Variants in TCF4 observed in about 807,000 individuals in gnomAD.
TCF4 encodes SL3-3 enhancer factor 2.
In TCF4, 3 loss-of-function variants were observed where a neutral mutation model predicts 82.1. The observed-to-expected ratio is 0.04, with a 90% CI of 0.02 to 0.09. The LOEUF (loss-of-function observed/expected upper bound fraction) is 0.09, where lower values mean the gene tolerates loss of function less well. Among genes scored for constraint, TCF4 ranks in the 10% least tolerant of loss-of-function variants. TCF4 has a pLI of 1.00. For missense variants in TCF4, 518 were observed against 852.7 expected, an observed-to-expected ratio of 0.61 and a Z score of 4.89; for synonymous variants, 276 against 309.6, an observed-to-expected ratio of 0.89 and a Z score of 1.14.
At chr18:55,326,999 G>GAC (rs147081158) in intron 8 of TCF4, among the ~76,000 whole-genome samples, 1 of 151,922 alleles carries the variant, frequency 6.6e-6, no homozygotes, top group African/African-American at 2.4e-5. Context: ...CAGACAGACA[G>GAC]ACACACACAC....
At chr18:55,542,358 G>A (rs2097171668) in intron 3 of TCF4, among the ~76,000 whole-genome samples, 1 of 151,778 alleles carries the variant, frequency 6.6e-6, no homozygotes, top group African/African-American at 2.4e-5. Flanking sequence ...ATGGCAAGGG[G>A]GTTGGAGTAA....
At chr18:55,354,644 C>A (rs1450627949) in intron 6 of TCF4, among the ~76,000 whole-genome samples, 1 of 152,148 alleles carries the variant, frequency 6.6e-6, no homozygotes, top group East Asian at 1.9e-4. Flanking sequence ...ACTATTATTT[C>A]ATTTCAGTCA....
intron 8 of TCF4, among the ~76,000 whole-genome samples, chr18:55,334,418 A>G (rs766249772): frequency 7.9e-5 from 12 of 152,144 alleles, no homozygotes; most frequent in Non-Finnish European, 1.2e-4. Flanking sequence ...CATAGTTTCT[A>G]ATCAAAATCT....
At chr18:55,408,376 T>C (rs1470645701) in intron 5 of TCF4, among the ~76,000 whole-genome samples, 1 of 152,148 alleles carries the variant, frequency 6.6e-6, no homozygotes, top group African/African-American at 2.4e-5. Context: ...ATAAACATGT[T>C]TGACTCAGAA....
At chr18:55,530,562 G>GC (rs33938531) in intron 3 of TCF4, among the ~76,000 whole-genome samples, 6,087 of 24,500 alleles carry the variant, frequency 0.25, 179 homozygotes, top group Non-Finnish European at 0.3. Context: ...GCCCTGAAAA[G>GC]GGGGGGGGAA....
At chr18:55,300,113 C>CAT (rs997766721) in intron 8 of TCF4, among the ~76,000 whole-genome samples, 1 of 151,986 alleles carries the variant, frequency 6.6e-6, no homozygotes, top group African/African-American at 2.4e-5. Context: ...CACACACACA[C>CAT]ACACACACAC....
intron 5 of TCF4, among the ~76,000 whole-genome samples, chr18:55,456,694 G>GA (rs990971598): frequency 3.3e-5 from 5 of 151,820 alleles, no homozygotes; most frequent in South Asian, 2.1e-4. Context: ...CTTGACAAAG[G>GA]AAAAAAAAGT....
chr18:55,446,984 CAAAAAAAAAAAAAAAAGGAAAAAAA>C (rs1303083082), intron 5 of TCF4, among the ~76,000 whole-genome samples: 1 of 84,216 alleles, frequency 1.2e-5, no homozygotes, highest in Non-Finnish European at 2.3e-5. Context: ...GACTCTGTCT[CAAAAAAAAAAAAAAAAGGAAAAAAA>C]GAAAAAAAAA....
intron 3 of TCF4, among the ~76,000 whole-genome samples, chr18:55,498,398 G>C (rs919429970): frequency 2.6e-5 from 4 of 152,154 alleles, no homozygotes; most frequent in Admixed American, 2.0e-4. Context: ...TGCCATACCA[G>C]AGTAGACCAG....
At chr18:55,287,192 T>A (rs925268989) in intron 8 of TCF4, among the ~76,000 whole-genome samples, 3 of 152,194 alleles carry the variant, frequency 2.0e-5, no homozygotes, top group Non-Finnish European at 4.4e-5. Flanking sequence ...TCTACCAGAA[T>A]GCACCACAAA....
chr18:55,592,115 C>T (rs915041538), upstream of TCF4, among the ~76,000 whole-genome samples: 1 of 152,034 alleles, frequency 6.6e-6, no homozygotes, highest in Non-Finnish European at 1.5e-5. Flanking sequence ...AAAGGAGAAC[C>T]AAGAGGGTCC....
intron 10 of TCF4, among the ~76,000 whole-genome samples, chr18:55,271,510 G>A (rs556457354): frequency 5.3e-5 from 8 of 152,196 alleles, no homozygotes; most frequent in Middle Eastern, 3.4e-3. Context: ...TTTCAAAGAC[G>A]CATGAATGTT....
chr18:55,257,871 T>C (rs951226408), intron 13 of TCF4, among the ~76,000 whole-genome samples: 7 of 152,176 alleles, frequency 4.6e-5, no homozygotes, highest in South Asian at 4.1e-4. Context: ...AGATTAGTTA[T>C]CAGTGATCCA....
At chr18:55,339,980 A>C (rs2079495661) in intron 8 of TCF4, among the ~76,000 whole-genome samples, 1 of 152,210 alleles carries the variant, frequency 6.6e-6, no homozygotes, top group Non-Finnish European at 1.5e-5. Context: ...TAAAAGAAAC[A>C]GACTGCCACA....
chr18:55,230,022 G>A (rs2047435739), intron 17 of TCF4: 1 of 152,232 alleles, frequency 6.6e-6, no homozygotes, highest in Admixed American at 6.5e-5. Flanking sequence ...ATGCACACCT[G>A]CGGTCTCAGC....
intron 8 of TCF4, chr18:55,332,007 A>G (rs900515550): frequency 3.7e-4 from 56 of 152,312 alleles, no homozygotes; most frequent in African/African-American, 1.3e-3. Flanking sequence ...GGACACATCT[A>G]TTGTCACTTT....
chr18:55,360,266 G>T (rs576773020), intron 6 of TCF4, among the ~76,000 whole-genome samples: 18 of 152,302 alleles, frequency 1.2e-4, no homozygotes, highest in Non-Finnish European at 1.5e-4. Flanking sequence ...CTTAACTACT[G>T]ACAATAGGCT....
intron 3 of TCF4, among the ~76,000 whole-genome samples, chr18:55,533,844 G>T (rs1267762424): frequency 3.3e-5 from 5 of 151,890 alleles, no homozygotes; most frequent in Non-Finnish European, 2.9e-5. Flanking sequence ...ACCTCTTATC[G>T]TCTCATCTAC....
chr18:55,390,286 TAAAAAAAAAAAAAAA>T (rs56965997), intron 6 of TCF4, among the ~76,000 whole-genome samples: 1 of 82,236 alleles, frequency 1.2e-5, no homozygotes. Context: ...CCCTGACTCT[TAAAAAAAAAAAAAAA>T]AAAAAAAAAG....
Sources: gnomAD v4.1 joint callset for allele counts (sites outside exome capture counted in the v4.1 genomes callset) on GRCh38, gnomAD v4.1.1 for gene constraint, MANE v1.5 for transcripts, NCBI Gene and HGNC (gene_info 2026-07-23, HGNC 2026-07-21) for gene names.